Variants in SEMA6D observed in about 807,000 individuals in gnomAD.
SEMA6D encodes the protein semaphorin 6D.
A neutral mutation model predicts 106.6 loss-of-function variants in SEMA6D; 35 were observed. The ratio of observed to expected loss-of-function variants is 0.33; its 90% CI spans 0.25 to 0.44. The LOEUF is 0.44. Among genes scored for constraint, SEMA6D ranks in the 20% least tolerant of loss-of-function variants. The pLI is 1.00. For missense variants in SEMA6D, 1,185 were observed against 1,345.9 expected (o/e 0.88, Z 1.87); for synonymous variants, 499 against 487.7 (o/e 1.02, Z -0.31).
At chr15:47,709,880 C>CAAAAAAAAAAA (rs199899821) in intron 4 of SEMA6D, among the ~76,000 whole-genome samples, 1 of 127,012 alleles carries the variant, frequency 7.9e-6, no homozygotes. Context: ...TAAAAACTGG[C>CAAAAAAAAAAA]AAAAAAAAAA....
In SEMA6D at chr15:47,330,529, G is replaced by A. The variant is rs549055823; in HGVS notation, c.-238-81864G>A. 3.9e-5 allele frequency among the ~76,000 whole-genome samples: 6 copies of A among 152,284 alleles called. No individual in the cohort carries two copies. In the East Asian group the frequency reaches 5.8e-4, roughly 15 times the overall value. On this transcript the variant is annotated intron_variant, in intron 1 of 19. Coordinates refer to the SEMA6D transcript ENST00000558014. ...ACTTGGCTGAGGAGCTTGTCAGGGC[G>A]TGCAGAGGTGAGGGAGCCATAGTTC...
chr15:47,323,443 C>G (rs528156864), intron 1 of SEMA6D, among the ~76,000 whole-genome samples: 10 of 152,196 alleles, frequency 6.6e-5, no homozygotes, highest in South Asian at 4.2e-4. Flanking sequence ...AAGGCTGAGT[C>G]CAGGGTTTTT....
chr15:47,531,599 T>C (rs898410881), intron 3 of SEMA6D, among the ~76,000 whole-genome samples: 3 of 152,248 alleles, frequency 2.0e-5, no homozygotes, highest in African/African-American at 7.2e-5. Flanking sequence ...AATGATTTAG[T>C]TGGCACTTAC....
chr15:47,365,122 C>A (rs1399679048), intron 1 of SEMA6D, among the ~76,000 whole-genome samples: 1 of 152,162 alleles, frequency 6.6e-6, no homozygotes, highest in Non-Finnish European at 1.5e-5. Flanking sequence ...AGAGGATATC[C>A]CACAGACAGA....
At chr15:47,279,454 C>G (rs1388747967) in intron 1 of SEMA6D, among the ~76,000 whole-genome samples, 13 of 147,028 alleles carry the variant, frequency 8.8e-5, no homozygotes, top group Middle Eastern at 3.5e-3. Flanking sequence ...TCTAGATATA[C>G]AATCATGTCG....
In SEMA6D at chr15:47,727,656, C is replaced by G. The variant is rs188594217; in HGVS notation, c.-55+9964C>G. Among the ~76,000 whole-genome samples, 505 of 132,112 alleles carry G rather than the reference C, an allele frequency of 3.8e-3. 5 individuals carry two copies. The highest frequency in any genetic ancestry group is 0.013 in the African/African-American group (477 of 36,380). 86.7% of individuals were successfully genotyped at this position (132,112 alleles called of 152,430 possible). On this transcript the variant is annotated intron_variant, in intron 1 of 18. Transcript: ENST00000536845. ...AATCTGCTCAGAGCTAAAGTGGCTT[C>G]CCCCCCAACCCCCCCAGTTTGCAAA...
intron 15 of SEMA6D, 95 bp downstream of exon 15, chr15:47,766,277 C>A: frequency 5.5e-6 from 5 of 910,728 alleles, no homozygotes; most frequent in South Asian, 2.0e-5. Flanking sequence ...TACTACTTTT[C>A]TTTTTTTTTG....
chr15:47,614,979 C>T (rs1392852074), intron 4 of SEMA6D, among the ~76,000 whole-genome samples: 1 of 152,104 alleles, frequency 6.6e-6, no homozygotes, highest in South Asian at 2.1e-4. Context: ...TCCATACATT[C>T]AACAGATACA....
chr15:47,341,402 C>CA (rs1250782481), intron 1 of SEMA6D, among the ~76,000 whole-genome samples: 2 of 151,932 alleles, frequency 1.3e-5, no homozygotes, highest in Admixed American at 1.3e-4. Flanking sequence ...AACAAACAGA[C>CA]AAAATAAAAC....
intron 2 of SEMA6D, among the ~76,000 whole-genome samples, chr15:47,449,629 C>G (rs2042129391): frequency 1.3e-5 from 2 of 152,106 alleles, no homozygotes. Context: ...CTTCTCACCA[C>G]AGACCTTGTC....
At chr15:47,503,893 T>A (rs943731078) in intron 3 of SEMA6D, among the ~76,000 whole-genome samples, 1 of 152,178 alleles carries the variant, frequency 6.6e-6, no homozygotes, top group Non-Finnish European at 1.5e-5. Context: ...ACTCTAATCT[T>A]TGTGTTTACT....
chr15:47,206,199 G>C (rs751224995), intron 1 of SEMA6D, among the ~76,000 whole-genome samples: 4 of 152,244 alleles, frequency 2.6e-5, no homozygotes, highest in African/African-American at 9.6e-5. Flanking sequence ...TTCATATATA[G>C]TTCCTTTTAC....
At chr15:47,521,609 T>G (rs534965253) in intron 3 of SEMA6D, among the ~76,000 whole-genome samples, 1 of 152,326 alleles carries the variant, frequency 6.6e-6, no homozygotes, top group African/African-American at 2.4e-5. Context: ...CATTTGCGAT[T>G]ACAATCTCCT....
At chr15:47,592,935 A>G (rs1322284334) in intron 3 of SEMA6D, among the ~76,000 whole-genome samples, 1 of 152,186 alleles carries the variant, frequency 6.6e-6, no homozygotes. Flanking sequence ...TCGAGAACGT[A>G]TTCACTAATG....
chr15:47,645,404 A>G (rs1462018356), intron 4 of SEMA6D, among the ~76,000 whole-genome samples: 2 of 152,274 alleles, frequency 1.3e-5, no homozygotes, highest in East Asian at 1.9e-4. Context: ...TTCTCTTTAT[A>G]TAGACTAACT....
intron 1 of SEMA6D, among the ~76,000 whole-genome samples, chr15:47,379,336 TA>T (rs1225314096): frequency 6.6e-6 from 1 of 152,186 alleles, no homozygotes; most frequent in Non-Finnish European, 1.5e-5. Flanking sequence ...ATCTCTAAAA[TA>T]ATAGGTCAGT....
chr15:47,337,357 G>T (rs1461649491), intron 1 of SEMA6D, among the ~76,000 whole-genome samples: 2 of 152,164 alleles, frequency 1.3e-5, no homozygotes, highest in Non-Finnish European at 2.9e-5. Context: ...TGGCCATGGG[G>T]CAGATTCCCT....
intron 2 of SEMA6D, among the ~76,000 whole-genome samples, chr15:47,433,802 TA>T (rs1167098761): frequency 6.6e-6 from 1 of 152,058 alleles, no homozygotes; most frequent in Non-Finnish European, 1.5e-5. Context: ...CACAATGGGG[TA>T]AACAGAAAAT....
At chr15:47,688,501 C>T (rs2078517657) in intron 4 of SEMA6D, among the ~76,000 whole-genome samples, 1 of 152,138 alleles carries the variant, frequency 6.6e-6, no homozygotes, top group African/African-American at 2.4e-5. Context: ...AAGGCATTGT[C>T]ATGGGAGTAT....
Sources: allele counts gnomAD v4.1 joint callset (sites outside exome capture counted in the v4.1 genomes callset), GRCh38; gene constraint gnomAD v4.1.1; transcripts MANE v1.5; gene names NCBI Gene and HGNC (gene_info 2026-07-23, HGNC 2026-07-21).